PCDH7: variants seen among roughly 807,000 people sequenced by gnomAD.
PCDH7 encodes protocadherin-7.
Under a neutral mutation model 58.9 loss-of-function variants are expected in PCDH7, and 17 were observed. The ratio of observed to expected loss-of-function variants is 0.29; its 90% CI spans 0.20 to 0.43. The LOEUF (loss-of-function observed/expected upper bound fraction) is 0.43, where lower values mean the gene tolerates loss of function less well. Among genes scored for constraint, PCDH7 ranks in the 20% least tolerant of loss-of-function variants. The pLI is 1.00. For missense variants in PCDH7, 1,274 were observed against 1,441.0 expected, an observed-to-expected ratio of 0.88 and a Z score of 1.88; for synonymous variants, 664 against 616.4, an observed-to-expected ratio of 1.08 and a Z score of -1.14.
intron 3 of PCDH7, among the ~76,000 whole-genome samples, chr4:31,132,790 A>T (rs1001751369): frequency 6.6e-6 from 1 of 152,194 alleles, no homozygotes; most frequent in Non-Finnish European, 1.5e-5. Flanking sequence ...ATGACAAATA[A>T]ACAAAGATTC....
chr4:30,800,545 A>T (rs1437883731), intron 1 of PCDH7, among the ~76,000 whole-genome samples: 1 of 152,160 alleles, frequency 6.6e-6, no homozygotes, highest in Non-Finnish European at 1.5e-5. Flanking sequence ...CCTCACTACC[A>T]TGAGAGTTAG....
chr4:30,777,046 T>G (rs1320712324), intron 1 of PCDH7, among the ~76,000 whole-genome samples: 1 of 152,156 alleles, frequency 6.6e-6, no homozygotes, highest in Non-Finnish European at 1.5e-5. Context: ...TTAAGAACAA[T>G]GTAATCACTC....
At chr4:30,900,708 C>G (rs986866619) in intron 1 of PCDH7, among the ~76,000 whole-genome samples, 2 of 151,988 alleles carry the variant, frequency 1.3e-5, no homozygotes, top group African/African-American at 4.8e-5. Context: ...TGCTAAAAGG[C>G]AGAAGAGATG....
intron 1 of PCDH7, among the ~76,000 whole-genome samples, chr4:30,760,427 A>G (rs1719873449): frequency 6.6e-6 from 1 of 152,182 alleles, no homozygotes; most frequent in Admixed American, 6.5e-5. Context: ...TGATGACATG[A>G]TCCTATATCT....
chr4:31,120,970 T>C lies in PCDH7; in HGVS notation c.*8-21503T>C, dbSNP rs75962028. Among the ~76,000 whole-genome samples the C allele has an allele frequency of 8.0e-3, 1,218 of 152,318 alleles. 13 individuals carry two copies. The highest frequency in any genetic ancestry group is 0.026 in the African/African-American group (1,086 of 41,568). On this transcript the variant is annotated intron_variant, in intron 3 of 3. Coordinates refer to the PCDH7 transcript ENST00000509759. ...ATGATGATGATTATGGTAATGATGATAGCTTACACTTACATAGCTTTTTGT... is the reference window on the plus strand; with the variant it reads ...ATGATGATGATTATGGTAATGATGACAGCTTACACTTACATAGCTTTTTGT...
intron 1 of PCDH7, among the ~76,000 whole-genome samples, chr4:30,847,133 A>C (rs1211279019): frequency 1.3e-5 from 2 of 152,138 alleles, no homozygotes; most frequent in South Asian, 4.1e-4. Flanking sequence ...TAAATAAATA[A>C]ATAAGTAAAA....
intron 1 of PCDH7, among the ~76,000 whole-genome samples, chr4:30,800,375 CAT>C (rs1205223604): frequency 1.3e-5 from 2 of 151,872 alleles, no homozygotes; most frequent in Admixed American, 6.6e-5. Flanking sequence ...ATATGTTTCA[CAT>C]ATATATATTT....
intron 1 of PCDH7, among the ~76,000 whole-genome samples, chr4:30,888,104 G>C (rs946108080): frequency 6.6e-6 from 1 of 152,062 alleles, no homozygotes; most frequent in African/African-American, 2.4e-5. Flanking sequence ...TCGAACCCCT[G>C]ACCTCATTAT....
chr4:30,868,873 T>C (rs750784446), intron 1 of PCDH7: 9 of 152,154 alleles, frequency 5.9e-5, no homozygotes, highest in Non-Finnish European at 1.2e-4. Context: ...GTGACTTCCA[T>C]GCAAATATTT....
At chr4:30,867,614 G>A (rs1181112981) in intron 1 of PCDH7, among the ~76,000 whole-genome samples, 2 of 152,052 alleles carry the variant, frequency 1.3e-5, no homozygotes, top group African/African-American at 2.4e-5. Context: ...ATTCAACTGA[G>A]AGCCTGGCAC....
intron 3 of PCDH7, among the ~76,000 whole-genome samples, chr4:30,968,376 CTATATATATATATATATATATA>C (rs60085619): frequency 3.0e-5 from 2 of 67,066 alleles, no homozygotes; most frequent in South Asian, 5.1e-4. Context: ...TATACACACA[CTATATATATATATATATATATA>C]TATATATATA....
chr4:30,903,815 C>G (rs1470727122), intron 1 of PCDH7, among the ~76,000 whole-genome samples: 2 of 151,988 alleles, frequency 1.3e-5, no homozygotes, highest in Non-Finnish European at 2.9e-5. Context: ...CAAGGGATTC[C>G]AGAGACCTAG....
chr4:30,815,450 G>T (rs1727552798), intron 1 of PCDH7, among the ~76,000 whole-genome samples: 1 of 152,172 alleles, frequency 6.6e-6, no homozygotes, highest in Admixed American at 6.6e-5. Flanking sequence ...TGCTCCATCC[G>T]ACCCAACCCT....
At chr4:30,932,875 C>T (rs1386535832) in intron 2 of PCDH7, among the ~76,000 whole-genome samples, 1 of 152,098 alleles carries the variant, frequency 6.6e-6, no homozygotes, top group African/African-American at 2.4e-5. Flanking sequence ...GAACTTAGAA[C>T]AGGAGAATAT....
At chr4:31,057,833 A>T (rs896626570) in intron 3 of PCDH7, among the ~76,000 whole-genome samples, 1 of 152,112 alleles carries the variant, frequency 6.6e-6, no homozygotes, top group African/African-American at 2.4e-5. Context: ...CCGATGAAAT[A>T]TCCTTGTAAG....
intron 1 of PCDH7, among the ~76,000 whole-genome samples, chr4:30,777,058 T>C (rs929426136): frequency 2.6e-5 from 4 of 152,088 alleles, no homozygotes; most frequent in Non-Finnish European, 5.9e-5. Context: ...TAATCACTCA[T>C]TGGAAAGGCA....
chr4:30,984,598 C>T (rs1057439629), intron 3 of PCDH7, among the ~76,000 whole-genome samples: 1 of 152,106 alleles, frequency 6.6e-6, no homozygotes. Flanking sequence ...AAGGGTAAAA[C>T]TTAAGGTTTA....
intron 1 of PCDH7, among the ~76,000 whole-genome samples, chr4:30,843,061 CTTT>C (rs368453238): frequency 7.3e-6 from 1 of 137,120 alleles, no homozygotes. Context: ...AAACAAATGA[CTTT>C]TTTTTTTTTT....
chr4:30,979,517 T>C (rs1301478754), intron 3 of PCDH7, among the ~76,000 whole-genome samples: 1 of 151,936 alleles, frequency 6.6e-6, no homozygotes, highest in Non-Finnish European at 1.5e-5. Flanking sequence ...CCAAAAGTGG[T>C]TTGACTTTTG....
Sources: gnomAD v4.1 joint callset for allele counts (sites outside exome capture counted in the v4.1 genomes callset) on GRCh38, gnomAD v4.1.1 for gene constraint, MANE v1.5 for transcripts, NCBI Gene and HGNC (gene_info 2026-07-23, HGNC 2026-07-21) for gene names.